PREX1: variants seen among roughly 807,000 people sequenced by gnomAD.
PREX1 encodes the protein phosphatidylinositol-3,4,5-trisphosphate dependent Rac exchange factor 1.
A neutral mutation model predicts 198.3 loss-of-function variants in PREX1; 41 were observed. The ratio of observed to expected loss-of-function variants is 0.21; its 90% confidence interval spans 0.16 to 0.27. PREX1 has a LOEUF of 0.27. PREX1 is among the 10% of genes least tolerant of loss of function. PREX1 has a pLI of 1.00. For synonymous variants in PREX1, 843 were observed against 887.2 expected (o/e 0.95, Z 0.89); for missense variants, 1,620 against 2,200.7 (o/e 0.74, Z 5.28).
intron 15 of PREX1, among the ~76,000 whole-genome samples, chr20:48,661,701 T>C (rs985054840): frequency 6.0e-5 from 9 of 150,934 alleles, no homozygotes; most frequent in African/African-American, 2.2e-4. Context: ...TGGGGAGGCA[T>C]GCTAAGTTCA....
chr20:48,777,854 A>G (rs2090270164), intron 1 of PREX1, among the ~76,000 whole-genome samples: 1 of 152,198 alleles, frequency 6.6e-6, no homozygotes, highest in Admixed American at 6.5e-5. Context: ...CATCATCATC[A>G]GCAGCAGCAG....
At chr20:48,662,905 T>C (rs959916345) in intron 15 of PREX1, among the ~76,000 whole-genome samples, 4 of 152,192 alleles carry the variant, frequency 2.6e-5, no homozygotes, top group African/African-American at 7.2e-5. Flanking sequence ...CTTCCCGGAA[T>C]AGCAGCTGGG....
Position 48,827,038 on chromosome 20 carries a change from T to TG in PREX1, c.219+603dup, listed in dbSNP as rs2090512135. 6.6e-6 allele frequency among the ~76,000 whole-genome samples: 1 copy of TG among 152,022 alleles called. No individual in the cohort carries two copies. The highest frequency in any genetic ancestry group is 2.4e-5 in the African/African-American group (1 of 41,392). ...TTTGCACTTGGAGATGGGGAGTTGGTGGGGGTGGATGCAGTTAGGGAGCCT... is the reference window on the plus strand; with the variant it reads ...TTTGCACTTGGAGATGGGGAGTTGGTGGGGGGTGGATGCAGTTAGGGAGCCT... On this transcript the variant is annotated intron_variant, in intron 1 of 39. Transcript: ENST00000371941. The surrounding 1 kb of genome is among the most constrained non-coding windows in gnomAD (Gnocchi z 4.1).
chr20:48,781,771 T>C (rs934624323), intron 1 of PREX1, among the ~76,000 whole-genome samples: 1 of 152,194 alleles, frequency 6.6e-6, no homozygotes, highest in African/African-American at 2.4e-5. Context: ...CAGGAGCTAT[T>C]ATGAAGCTCA....
intron 1 of PREX1, among the ~76,000 whole-genome samples, chr20:48,764,364 C>T (rs749889112): frequency 2.3e-4 from 35 of 152,138 alleles, no homozygotes; most frequent in Non-Finnish European, 4.1e-4. Context: ...ATCCACGGAA[C>T]CTGTGAATAC....
intron 1 of PREX1, among the ~76,000 whole-genome samples, chr20:48,767,070 C>T (rs2090211919): frequency 6.6e-6 from 1 of 152,192 alleles, no homozygotes; most frequent in African/African-American, 2.4e-5. Context: ...GCCACAGACT[C>T]GCTGTGGGAC....
At chr20:48,730,987 C>A (rs2090032523) in intron 4 of PREX1, among the ~76,000 whole-genome samples, 1 of 152,100 alleles carries the variant, frequency 6.6e-6, no homozygotes, top group Non-Finnish European at 1.5e-5. Flanking sequence ...CGCAGCGAGA[C>A]CCTATCTCAA....
chr20:48,667,924 G>A (rs1296560191), intron 14 of PREX1, among the ~76,000 whole-genome samples: 2 of 152,168 alleles, frequency 1.3e-5, no homozygotes, highest in Non-Finnish European at 2.9e-5. Flanking sequence ...AGCGCTGATT[G>A]TCCCTCACAG....
chr20:48,801,766 T>C (rs945801726), intron 1 of PREX1, among the ~76,000 whole-genome samples: 2 of 152,322 alleles, frequency 1.3e-5, no homozygotes, highest in Admixed American at 6.5e-5. Flanking sequence ...TGAGGCGATG[T>C]TGAGAGGCAG....
rs759591790 is a variant in PREX1 at position 48,627,917 on chromosome 20, T to C, written c.4813A>G (p.Ser1605Gly). ...ATGCACTTGGGCAGCAACCCGTGGC[T>C]CCGTGCCAAGATGGCCGCCTGCTCC... ...SLEQAAILAR[S>G]HGLLPKCIMQ... is the part of the protein sequence containing the mutation. The change falls in exon 38 of 40, where the codon AGC becomes GGC. Residue 1605 changes from serine to glycine, a missense_variant. This residue lies in a region of PREX1 where 476 missense variants were observed against 603.4 expected (regional missense o/e 0.79). Coordinates refer to ENST00000371941, the MANE Select transcript of PREX1 (RefSeq NM_020820.4). 5 of 1,610,024 alleles carry C rather than the reference T, an allele frequency of 3.1e-6. No individual in the cohort carries two copies. Among genetic ancestry groups the C allele is most frequent in the Non-Finnish European group, 3.4e-6 (4 of 1,178,320 alleles).
At chr20:48,721,612 G>A (rs1249713734) in intron 5 of PREX1, among the ~76,000 whole-genome samples, 3 of 152,246 alleles carry the variant, frequency 2.0e-5, no homozygotes, top group Admixed American at 1.3e-4. Flanking sequence ...GGACACTGCA[G>A]ATGGCAACAG....
chr20:48,677,985 CAAAAAAAGA>C (rs1051643877), intron 13 of PREX1, among the ~76,000 whole-genome samples: 3 of 149,948 alleles, frequency 2.0e-5, no homozygotes, highest in Admixed American at 1.3e-4. Context: ...GACTCCGTCT[CAAAAAAAGA>C]AAAAAAAGAA....
chr20:48,746,478 C>T (rs1419029849), intron 2 of PREX1, among the ~76,000 whole-genome samples: 1 of 152,202 alleles, frequency 6.6e-6, no homozygotes, highest in Non-Finnish European at 1.5e-5. Flanking sequence ...CAGCTACACA[C>T]AACATCATGG....
chr20:48,632,637 T>A lies in PREX1; in HGVS notation c.4270A>T (p.Thr1424Ser). Residue 1424 changes from threonine to serine, a missense_variant and splice_region_variant, in exon 34 of 40, where the codon ACC (threonine) becomes TCC (serine). This residue lies in a region of PREX1 where 476 missense variants were observed against 603.4 expected (regional missense o/e 0.79). Coordinates refer to ENST00000371941, the MANE Select transcript of PREX1 (RefSeq NM_020820.4). ...CCCTCAATGTGGTAGAAGACGTTGG[T>A]GTCTGCGGAAGGATATGGGGCAGGA... ...KQLDENYVAN[T>S]NVFYHIEGSR... 2 of 1,613,616 alleles carry A rather than the reference T, an allele frequency of 1.2e-6. No individual in the cohort carries two copies. Among genetic ancestry groups the A allele is most frequent in the Non-Finnish European group, 1.7e-6 (2 of 1,179,810 alleles).
At position 48,745,089 on chromosome 20, in the gene PREX1, A is replaced by G; in HGVS notation, c.350T>C (p.Leu117Ser). Reference protein sequence around the residue: ...LEVHKDFLAALEYCLHPEPQS... With the variant: ...LEVHKDFLAASEYCLHPEPQS... Reference sequence around the variant, plus strand: ...CGGCTCCGGGTGTAAACAATACTCCAAGGCGGCCAAGAAATCCTTATGAAC... The same window carrying G: ...CGGCTCCGGGTGTAAACAATACTCCGAGGCGGCCAAGAAATCCTTATGAAC... The change falls in exon 3 of 40, where the codon TTG (leucine) becomes TCG (serine). Residue 117 changes from leucine (L) to serine (S), a missense_variant. Transcript: ENST00000371941. The G allele has an allele frequency of 6.2e-7, 1 of 1,614,202 alleles. No homozygotes were observed. Among genetic ancestry groups the G allele is most frequent in the Non-Finnish European group, 8.5e-7 (1 of 1,180,022 alleles).
intron 5 of PREX1, among the ~76,000 whole-genome samples, chr20:48,725,512 A>G (rs893430281): frequency 6.6e-6 from 1 of 152,248 alleles, no homozygotes; most frequent in African/African-American, 2.4e-5. Context: ...GCAGGGAAGG[A>G]AACAGCAGGT....
At chr20:48,773,476 A>G (rs974472885) in intron 1 of PREX1, among the ~76,000 whole-genome samples, 1 of 152,320 alleles carries the variant, frequency 6.6e-6, no homozygotes, top group African/African-American at 2.4e-5. Flanking sequence ...GAACTGTCTC[A>G]GGACAGAACC....
At chr20:48,726,428 A>G in intron 4 of PREX1, 37 bp from the exon 5 acceptor site, 1 of 1,481,902 alleles carries the variant, frequency 6.7e-7, no homozygotes, top group East Asian at 2.3e-5. Context: ...AAACCCACCA[A>G]GGATAGCACA....
the PREX1 span, among the ~76,000 whole-genome samples, chr20:48,887,194 T>A: frequency 2.0e-5 from 3 of 152,206 alleles, no homozygotes; most frequent in Non-Finnish European, 2.9e-5. Flanking sequence ...AACAAGTTAA[T>A]ACATACCTCC....
Sources: allele counts gnomAD v4.1 joint callset (sites outside exome capture counted in the v4.1 genomes callset), GRCh38; gene constraint gnomAD v4.1.1; regional missense constraint gnomAD v4.1.1; non-coding constraint Gnocchi (gnomAD v3.1); transcripts MANE v1.5; gene names NCBI Gene and HGNC (gene_info 2026-07-23, HGNC 2026-07-21).